The following PCDHA6 variants were observed in gnomAD, a reference collection of about 807,000 sequenced individuals.
PCDHA6 encodes protocadherin alpha 6.
A neutral mutation model predicts 60.3 loss-of-function variants in PCDHA6; 55 were observed. That is an observed-to-expected ratio of 0.91 (90% CI 0.73 to 1.14). PCDHA6 has a LOEUF of 1.14. PCDHA6 is among the 50% of genes most tolerant of loss of function. The pLI is 0.00. For missense variants in PCDHA6, 1,327 were observed against 1,256.5 expected (o/e 1.06, Z -0.85); for synonymous variants, 652 against 557.9 (o/e 1.17, Z -2.38).
intron 1 of PCDHA6, chr5:140,835,705 T>A (rs1773862333): frequency 1.2e-6 from 2 of 1,613,894 alleles, no homozygotes; most frequent in East Asian, 4.5e-5. Flanking sequence ...ACTGCTAGCG[T>A]GTCCGTGGAG....
At chr5:140,880,214 A>C (rs2058267657) in intron 1 of PCDHA6, among the ~76,000 whole-genome samples, 1 of 152,224 alleles carries the variant, frequency 6.6e-6, no homozygotes, top group African/African-American at 2.4e-5. Flanking sequence ...TTCCACCAGA[A>C]GTAGAACATT....
At chr5:140,899,814 G>A (rs1212568701) in intron 1 of PCDHA6, among the ~76,000 whole-genome samples, 8 of 152,012 alleles carry the variant, frequency 5.3e-5, no homozygotes, top group African/African-American at 7.2e-5. Flanking sequence ...ATTTTGTTTT[G>A]TTTTTCCTTT....
intron 1 of PCDHA6, among the ~76,000 whole-genome samples, chr5:140,921,337 C>T (rs1339756681): frequency 6.6e-6 from 1 of 152,082 alleles, no homozygotes; most frequent in Non-Finnish European, 1.5e-5. Flanking sequence ...GGTCCAATCA[C>T]ATAATATATT....
intron 1 of PCDHA6, among the ~76,000 whole-genome samples, chr5:140,873,809 C>T (rs1554166897): frequency 6.6e-6 from 1 of 152,138 alleles, no homozygotes; most frequent in Non-Finnish European, 1.5e-5. Context: ...TACAGGCATG[C>T]ACCACCACTC....
rs2150421063 is a variant in PCDHA6, at chr5:140,848,806, T to C, written c.2394+18321T>C. The C allele has an allele frequency of 8.8e-6, 14 of 1,591,932 alleles. 1 individual carries two copies. The South Asian group carries it at 1.4e-4, about 16-fold the overall frequency. The stretch of plus-strand genomic sequence containing the variant: ...TGCGGGCGGAGCGCGGAGTGCAGCA[T>C]CCACCTGGAGGTGATCGTAGACAGG... On this transcript the variant is annotated intron_variant, in intron 1 of 3. Coordinates refer to ENST00000529310, the MANE Select transcript of PCDHA6 (RefSeq NM_018909.4).
intron 1 of PCDHA6, among the ~76,000 whole-genome samples, chr5:140,893,945 A>T (rs1293077869): frequency 6.6e-6 from 1 of 152,180 alleles, no homozygotes; most frequent in Non-Finnish European, 1.5e-5. Flanking sequence ...TTAATTCTGC[A>T]TGACTTTATT....
At position 140,850,379 on chromosome 5, in the gene PCDHA6, G is replaced by T. The variant is rs2150481547; in HGVS notation, c.2394+19894G>T. On this transcript the variant is annotated intron_variant, in intron 1 of 3. Coordinates refer to ENST00000529310, the MANE Select transcript of PCDHA6 (RefSeq NM_018909.4). ...TCCCGTTCCGCGTGGGGCTGTACAC[G>T]GGCGAGATCAGCACAACGCGTGCCC... is the stretch of plus-strand genomic sequence containing the variant. 2.0e-5 allele frequency: 32 copies of T among 1,597,786 alleles called. 2 individuals carry two copies. Among genetic ancestry groups the T allele is most frequent in the Admixed American group, 3.4e-5 (2 of 59,250 alleles).
chr5:140,859,311 T>C (rs1441323923), intron 1 of PCDHA6: 1 of 128,808 alleles, frequency 7.8e-6, no homozygotes, highest in Non-Finnish European at 1.8e-5. Flanking sequence ...GAATTAATAT[T>C]AAAAGTTTGA....
chr5:140,927,897 T>A, intron 1 of PCDHA6: 1 of 1,614,204 alleles, frequency 6.2e-7, no homozygotes, highest in African/African-American at 1.3e-5. Flanking sequence ...ACGTGAACGA[T>A]CATGCCCCCG....
chr5:140,945,828 A>T (rs2093847646), intron 1 of PCDHA6, among the ~76,000 whole-genome samples: 1 of 152,176 alleles, frequency 6.6e-6, no homozygotes, highest in Admixed American at 6.5e-5. Flanking sequence ...TACAAAAGTC[A>T]ACTCAAAATG....
chr5:140,902,127 C>G (rs2069118126), intron 1 of PCDHA6, among the ~76,000 whole-genome samples: 1 of 150,418 alleles, frequency 6.6e-6, no homozygotes, highest in African/African-American at 2.4e-5. Context: ...GAGATTATAT[C>G]ATCTGCAAAC....
chr5:140,996,301 AC>A (rs1306218777), intron 3 of PCDHA6, among the ~76,000 whole-genome samples: 1 of 152,240 alleles, frequency 6.6e-6, no homozygotes, highest in African/African-American at 2.4e-5. Context: ...ACAGATTGTA[AC>A]AAAGTAAGGG....
At chr5:140,858,494 C>A (rs1451749220) in intron 1 of PCDHA6, 1 of 1,482,778 alleles carries the variant, frequency 6.7e-7, no homozygotes. Context: ...TTTCTCTTAC[C>A]GCATTTTCTC....
intron 2 of PCDHA6, among the ~76,000 whole-genome samples, chr5:140,979,495 G>A (rs1405180713): frequency 6.6e-6 from 1 of 151,840 alleles, no homozygotes; most frequent in Non-Finnish European, 1.5e-5. Context: ...ACCTATTAGA[G>A]CCTCCTCATC....
chr5:140,952,338 CAAA>C (rs55931446), intron 1 of PCDHA6, among the ~76,000 whole-genome samples: 80,539 of 134,836 alleles, frequency 0.6, 22,945 homozygotes, highest in African/African-American at 0.71. Context: ...AACTCCATCT[CAAA>C]AAAAAAAAAA....
rs1349826822 is a variant in PCDHA6, at chr5:140,911,368, C to A, written c.2395-67581C>A. Reference sequence around the variant, plus strand: ...CCTCATTTCAACAGTAGACACCTGGCAAGGCTGTGCATGCACCTTTCATTG... The same window carrying A: ...CCTCATTTCAACAGTAGACACCTGGAAAGGCTGTGCATGCACCTTTCATTG... On this transcript the variant is annotated intron_variant, in intron 1 of 3. Coordinates refer to ENST00000529310, the MANE Select transcript of PCDHA6 (RefSeq NM_018909.4). 3.3e-5 allele frequency among the ~76,000 whole-genome samples: 5 copies of A among 152,144 alleles called. No homozygotes were observed. The East Asian group carries it at 7.7e-4, about 23-fold the overall frequency.
At chr5:140,835,917 G>T in intron 1 of PCDHA6, 1 of 1,612,332 alleles carries the variant, frequency 6.2e-7, no homozygotes, top group Non-Finnish European at 8.5e-7. Flanking sequence ...GTCAGTGCAC[G>T]CGGAGAGCGG....
At chr5:140,909,772 A>T (rs2074681843) in intron 1 of PCDHA6, among the ~76,000 whole-genome samples, 1 of 152,166 alleles carries the variant, frequency 6.6e-6, no homozygotes, top group Non-Finnish European at 1.5e-5. Context: ...CCAGGGACCC[A>T]CTGGACCCAC....
At chr5:140,950,006 G>A (rs2094439907) in intron 1 of PCDHA6, among the ~76,000 whole-genome samples, 1 of 151,676 alleles carries the variant, frequency 6.6e-6, no homozygotes, top group African/African-American at 2.4e-5. Context: ...ACTTAATAGT[G>A]TACAACCTTC....
Sources: allele counts gnomAD v4.1 joint callset (sites outside exome capture counted in the v4.1 genomes callset), GRCh38; gene constraint gnomAD v4.1.1; transcripts MANE v1.5; gene names NCBI Gene and HGNC (gene_info 2026-07-23, HGNC 2026-07-21).